CALCRL: variants seen among roughly 807,000 people sequenced by gnomAD.
CALCRL encodes calcitonin receptor like receptor.
A neutral mutation model predicts 60.4 loss-of-function variants in CALCRL; 27 were observed. The ratio of observed to expected loss-of-function variants is 0.45; its 90% confidence interval spans 0.33 to 0.62. The LOEUF is 0.62. CALCRL is among the 20% of genes least tolerant of loss of function. The pLI, the probability that CALCRL is intolerant of heterozygous loss-of-function variation, is 0.03. For missense variants in CALCRL, 424 were observed against 540.7 expected (o/e 0.78, Z 2.14); for synonymous variants, 190 against 182.6 (o/e 1.04, Z -0.33).
rs193150283 is a variant in CALCRL, at chr2:187,345,371, G to A, written c.*813C>T. ...TTTGTTTATACAGTAGAAATGGAAGGGACAAAATTTATATTTACAGCTAGG... is the reference window on the plus strand; with the variant it reads ...TTTGTTTATACAGTAGAAATGGAAGAGACAAAATTTATATTTACAGCTAGG... On this transcript the variant is annotated 3_prime_UTR_variant, in exon 15 of 15. Coordinates refer to ENST00000392370, the MANE Select transcript of CALCRL (RefSeq NM_005795.6). 1,200 of 152,190 alleles carry A rather than the reference G, an allele frequency of 7.9e-3. 10 individuals are homozygous for A. Among genetic ancestry groups the A allele is most frequent in the Non-Finnish European group, 0.014 (966 of 67,802 alleles). 9.4% of individuals were successfully genotyped at this position (152,190 alleles called of 1,614,324 possible).
At chr2:187,365,770 A>T (rs1687249203) in intron 8 of CALCRL, among the ~76,000 whole-genome samples, 1 of 152,190 alleles carries the variant, frequency 6.6e-6, no homozygotes, top group African/African-American at 2.4e-5. Flanking sequence ...CAACTGGAGG[A>T]CACTACATTA....
chr2:187,363,511 C>A lies in CALCRL; in HGVS notation c.501-9G>T. Reference sequence around the variant, plus strand: ...TTTGGCAACTTAGGCTCCTAAAAAGCAAGAAAAACAAGTGTGTTGACATCA... The same window carrying A: ...TTTGGCAACTTAGGCTCCTAAAAAGAAAGAAAAACAAGTGTGTTGACATCA... On this transcript the variant is annotated splice_polypyrimidine_tract_variant and intron_variant, in intron 8 of 14. Coordinates refer to ENST00000392370, the MANE Select transcript of CALCRL (RefSeq NM_005795.6). The A allele has an allele frequency of 6.3e-7, 1 of 1,582,090 alleles. No individual in the cohort carries two copies. Among genetic ancestry groups the A allele is most frequent in the Non-Finnish European group, 8.6e-7 (1 of 1,166,176 alleles).
chr2:187,354,402 T>A (rs1686676204), intron 12 of CALCRL, among the ~76,000 whole-genome samples: 1 of 151,850 alleles, frequency 6.6e-6, no homozygotes, highest in Non-Finnish European at 1.5e-5. Flanking sequence ...TCTCTCAACT[T>A]CCCCTCAACA....
chr2:187,419,198 C>A (rs1366928834), intron 1 of CALCRL, among the ~76,000 whole-genome samples: 3 of 151,694 alleles, frequency 2.0e-5, no homozygotes, highest in Non-Finnish European at 2.9e-5. Flanking sequence ...ATTGTGTCTG[C>A]CCCCAAATTA....
chr2:187,353,281 C>T (rs1193854329), intron 12 of CALCRL, among the ~76,000 whole-genome samples: 1 of 151,846 alleles, frequency 6.6e-6, no homozygotes, highest in Non-Finnish European at 1.5e-5. Context: ...AGAAGAGCTC[C>T]ATAGGGGCTA....
At chr2:187,415,056 C>T (rs1489926124) in intron 1 of CALCRL, among the ~76,000 whole-genome samples, 1 of 151,874 alleles carries the variant, frequency 6.6e-6, no homozygotes, top group Non-Finnish European at 1.5e-5. Flanking sequence ...ATGTTAATCC[C>T]ACAAGTCAAA....
chr2:187,377,061 C>G (rs904493451), intron 8 of CALCRL, among the ~76,000 whole-genome samples: 1 of 152,034 alleles, frequency 6.6e-6, no homozygotes, highest in South Asian at 2.1e-4. Flanking sequence ...AAGATAAATA[C>G]ATTTAATTAG....
At position 187,359,113 on chromosome 2, in the gene CALCRL, C is replaced by G. The variant is rs532991082; in HGVS notation, c.859G>C (p.Asp287His). The change falls in exon 12 of 15, where the codon GAT becomes CAT. Residue 287 changes from aspartate to histidine, a missense_variant. By Grantham distance (81) the Asp-to-His change is moderately conservative. This residue lies in a region of CALCRL where 222 missense variants were observed against 265.6 expected (regional missense o/e 0.84). Coordinates refer to ENST00000392370, the MANE Select transcript of CALCRL (RefSeq NM_005795.6). ...TGGATAATGTAGAGGAGATGGGTAT[C>G]AGAACTGATCCAGCAACTAGAGAAA... is the stretch of plus-strand genomic sequence containing the variant. Reference protein sequence around the residue: ...YYNDNCWISSDTHLLYIIHGP... With the variant: ...YYNDNCWISSHTHLLYIIHGP... 6.2e-7 allele frequency: 1 copy of G among 1,613,100 alleles called. No homozygotes were observed. The highest frequency in any genetic ancestry group is 1.1e-5 in the South Asian group (1 of 91,034).
intron 1 of CALCRL, among the ~76,000 whole-genome samples, chr2:187,438,253 T>A (rs1374893430): frequency 5.3e-5 from 8 of 152,218 alleles, no homozygotes; most frequent in African/African-American, 1.9e-4. Flanking sequence ...AAATTATGAT[T>A]TATTTAATCA....
At chr2:187,399,604 C>T (rs778108559) in intron 1 of CALCRL, among the ~76,000 whole-genome samples, 40 of 151,300 alleles carry the variant, frequency 2.6e-4, no homozygotes, top group Non-Finnish European at 5.2e-4. Context: ...TATTTGAAAG[C>T]GACTTATAGC....
chr2:187,352,022 A>G, intron 13 of CALCRL, 61 bp from the exon 14 acceptor site: 1 of 1,538,148 alleles, frequency 6.5e-7, no homozygotes, highest in African/African-American at 1.4e-5. Context: ...TTTGTAATCA[A>G]ATAGCTGTAC....
chr2:187,419,231 A>G (rs1472923105), intron 1 of CALCRL, among the ~76,000 whole-genome samples: 4 of 151,674 alleles, frequency 2.6e-5, no homozygotes, highest in African/African-American at 9.7e-5. Context: ...CTAACCCTCA[A>G]TCTGGTTATA....
chr2:187,370,911 C>G (rs540973353), intron 8 of CALCRL, among the ~76,000 whole-genome samples: 15 of 152,316 alleles, frequency 9.8e-5, no homozygotes, highest in African/African-American at 3.1e-4. Context: ...TTTATGTACA[C>G]TAACTGATTA....
At chr2:187,421,703 G>C (rs1470515371) in intron 1 of CALCRL, among the ~76,000 whole-genome samples, 2 of 152,082 alleles carry the variant, frequency 1.3e-5, no homozygotes, top group Admixed American at 6.6e-5. Context: ...TGGGCCCTAC[G>C]GCAGCACAAT....
At chr2:187,370,682 G>C (rs1267992943) in intron 8 of CALCRL, among the ~76,000 whole-genome samples, 1 of 152,128 alleles carries the variant, frequency 6.6e-6, no homozygotes, top group Non-Finnish European at 1.5e-5. Context: ...CCATAAGCCA[G>C]TAATAGCAAT....
At chr2:187,444,744 A>AAGTAAGAAGAAGT (rs1691090805) in intron 1 of CALCRL, among the ~76,000 whole-genome samples, 1 of 151,554 alleles carries the variant, frequency 6.6e-6, no homozygotes, top group South Asian at 2.1e-4. Flanking sequence ...TTATGTCCTT[A>AAGTAAGAAGAAGT]AAAATTGAAT....
At chr2:187,366,569 T>G (rs1335747163) in intron 8 of CALCRL, among the ~76,000 whole-genome samples, 1 of 151,760 alleles carries the variant, frequency 6.6e-6, no homozygotes, top group Non-Finnish European at 1.5e-5. Context: ...TGAAATAAAA[T>G]AAATAACGTG....
At chr2:187,397,368 G>A (rs1574273769) in intron 1 of CALCRL, among the ~76,000 whole-genome samples, 1 of 151,226 alleles carries the variant, frequency 6.6e-6, no homozygotes, top group East Asian at 1.9e-4. Context: ...TTCCCAGATA[G>A]GATATCAATC....
At chr2:187,396,705 A>G (rs1273978427) in intron 1 of CALCRL, among the ~76,000 whole-genome samples, 3 of 151,802 alleles carry the variant, frequency 2.0e-5, no homozygotes, top group Non-Finnish European at 3.0e-5. Flanking sequence ...ACTCTCATGA[A>G]AACTTCTAGA....
Sources: allele counts gnomAD v4.1 joint callset (sites outside exome capture counted in the v4.1 genomes callset), GRCh38; gene constraint gnomAD v4.1.1; regional missense constraint gnomAD v4.1.1; transcripts MANE v1.5; gene names NCBI Gene and HGNC (gene_info 2026-07-23, HGNC 2026-07-21).